The following TAFA5 variants were observed in gnomAD, a reference collection of about 807,000 sequenced individuals.
TAFA5 encodes chemokine-like protein TAFA-5.
In TAFA5, 6 loss-of-function variants were observed where a neutral mutation model predicts 15.3. That is an observed-to-expected ratio of 0.39 (90% CI 0.21 to 0.77). TAFA5 has a LOEUF of 0.77. TAFA5 is among the 30% of genes least tolerant of loss of function. TAFA5 has a pLI of 0.41. For missense variants in TAFA5, 161 were observed against 193.1 expected (o/e 0.83, Z 0.98); for synonymous variants, 103 against 80.7 (o/e 1.28, Z -1.48).
At chr22:48,510,090 A>G (rs1446063711) in intron 1 of TAFA5, among the ~76,000 whole-genome samples, 1 of 152,254 alleles carries the variant, frequency 6.6e-6, no homozygotes, top group African/African-American at 2.4e-5. Flanking sequence ...TGAAACTGCT[A>G]GAAGAAAACG....
chr22:48,641,154 G>T (rs1298840056), intron 1 of TAFA5, among the ~76,000 whole-genome samples: 2 of 151,814 alleles, frequency 1.3e-5, no homozygotes, highest in Non-Finnish European at 2.9e-5. Flanking sequence ...AGACCGTGGG[G>T]GCACCGTGGC....
At chr22:48,642,148 G>A in intron 1 of TAFA5, among the ~76,000 whole-genome samples, 1 of 152,130 alleles carries the variant, frequency 6.6e-6, no homozygotes, top group Non-Finnish European at 1.5e-5. Context: ...GAAGGGGCCT[G>A]TGCTTTGCTG....
intron 1 of TAFA5, among the ~76,000 whole-genome samples, chr22:48,617,658 G>A (rs1224611213): frequency 4.6e-5 from 7 of 152,228 alleles, no homozygotes; most frequent in African/African-American, 7.2e-5. Context: ...GTCTGTCTCC[G>A]CGTCTATCTC....
intron 3 of TAFA5, among the ~76,000 whole-genome samples, chr22:48,735,151 C>G (rs775901165): frequency 2.0e-5 from 3 of 152,172 alleles, no homozygotes; most frequent in Non-Finnish European, 4.4e-5. Context: ...AACGGAGGCA[C>G]GGAGGTGCTA....
At chr22:48,596,682 A>G (rs1427256673) in intron 1 of TAFA5, among the ~76,000 whole-genome samples, 1 of 151,172 alleles carries the variant, frequency 6.6e-6, no homozygotes, top group Admixed American at 6.6e-5. Flanking sequence ...ACCAGCGCTC[A>G]CTCTTGGCAT....
chr22:48,715,880 G>A (rs1368944970), intron 3 of TAFA5, among the ~76,000 whole-genome samples: 2 of 152,258 alleles, frequency 1.3e-5, no homozygotes, highest in African/African-American at 4.8e-5. Flanking sequence ...GAAGCCTGGA[G>A]ATTTTACATT....
At chr22:48,687,779 G>GA (rs1928409892) in intron 2 of TAFA5, among the ~76,000 whole-genome samples, 1 of 152,130 alleles carries the variant, frequency 6.6e-6, no homozygotes, top group Non-Finnish European at 1.5e-5. Flanking sequence ...TCTGAGGGGG[G>GA]AACATGTAGC....
intron 3 of TAFA5, among the ~76,000 whole-genome samples, chr22:48,717,969 G>A (rs890641249): frequency 2.0e-5 from 3 of 152,230 alleles, no homozygotes; most frequent in African/African-American, 4.8e-5. Context: ...TCTGTCCTGC[G>A]TGTGGTGGGG....
intron 1 of TAFA5, among the ~76,000 whole-genome samples, chr22:48,525,171 G>A (rs1269202972): frequency 2.6e-5 from 4 of 152,130 alleles, no homozygotes; most frequent in African/African-American, 9.7e-5. Flanking sequence ...ATCTAAAAAC[G>A]TCCCTTTGCC....
At chr22:48,565,957 C>G (rs145021874) in intron 1 of TAFA5, among the ~76,000 whole-genome samples, 7 of 151,822 alleles carry the variant, frequency 4.6e-5, no homozygotes, top group Non-Finnish European at 8.8e-5. Context: ...AATAGATGTG[C>G]AGCTGGGTGG....
At chr22:48,686,192 G>A (rs956811615) in intron 2 of TAFA5, among the ~76,000 whole-genome samples, 3 of 152,182 alleles carry the variant, frequency 2.0e-5, no homozygotes, top group African/African-American at 7.2e-5. Flanking sequence ...GGCCGCCAGG[G>A]GTCTCTGCCC....
intron 3 of TAFA5, among the ~76,000 whole-genome samples, chr22:48,740,187 A>G (rs1930139747): frequency 6.6e-6 from 1 of 152,142 alleles, no homozygotes; most frequent in African/African-American, 2.4e-5. Flanking sequence ...AGGACCCAAC[A>G]GTGACTTTGC....
At position 48,654,947 on chromosome 22, in the gene TAFA5, G is replaced by A. The variant is rs1007543546; in HGVS notation, c.262+8201G>A. 2.6e-5 allele frequency among the ~76,000 whole-genome samples: 4 copies of A among 152,320 alleles called. No homozygotes were observed. In the East Asian group the frequency reaches 7.7e-4, roughly 29 times the overall value. Reference sequence around the variant, plus strand: ...GAGGGGCCGTGGTGGGGCAGCCTAGGCCTATGGGGTCTGCGGGCCCAGAGC... The same window carrying A: ...GAGGGGCCGTGGTGGGGCAGCCTAGACCTATGGGGTCTGCGGGCCCAGAGC... On this transcript the variant is annotated intron_variant, in intron 2 of 3. Coordinates refer to ENST00000402357, the MANE Select transcript of TAFA5 (RefSeq NM_001082967.3).
At chr22:48,642,758 G>A (rs1926728748) in intron 1 of TAFA5, among the ~76,000 whole-genome samples, 1 of 152,154 alleles carries the variant, frequency 6.6e-6, no homozygotes. Flanking sequence ...CACGTGTTTG[G>A]TCAGTGTGTG....
At chr22:48,641,961 C>A (rs552811445) in intron 1 of TAFA5, among the ~76,000 whole-genome samples, 136 of 152,332 alleles carry the variant, frequency 8.9e-4, no homozygotes, top group African/African-American at 3.1e-3. Context: ...TCCCCTATCT[C>A]CAAGAAAAGG....
intron 2 of TAFA5, among the ~76,000 whole-genome samples, chr22:48,655,409 G>A (rs988892306): frequency 6.6e-6 from 1 of 152,198 alleles, no homozygotes; most frequent in Non-Finnish European, 1.5e-5. Flanking sequence ...TGTTCTGGGG[G>A]CTGGGAAGTC....
intron 1 of TAFA5, among the ~76,000 whole-genome samples, chr22:48,573,617 A>G (rs1191596213): frequency 6.6e-6 from 1 of 152,218 alleles, no homozygotes; most frequent in Admixed American, 6.5e-5. Flanking sequence ...TACTAACAGG[A>G]AGCCTTGGTG....
chr22:48,674,675 A>G (rs1027327116), intron 2 of TAFA5, among the ~76,000 whole-genome samples: 4 of 143,414 alleles, frequency 2.8e-5, no homozygotes, highest in African/African-American at 9.8e-5. Flanking sequence ...TGGGAGGTCC[A>G]CACCCCCCAC....
At chr22:48,520,889 A>AG (rs1302353234) in intron 1 of TAFA5, among the ~76,000 whole-genome samples, 4 of 151,270 alleles carry the variant, frequency 2.6e-5, no homozygotes, top group South Asian at 4.2e-4. Context: ...GGCCAGGGCC[A>AG]GGGGGGGTCG....
Sources: gnomAD v4.1 joint callset for allele counts (sites outside exome capture counted in the v4.1 genomes callset) on GRCh38, gnomAD v4.1.1 for gene constraint, MANE v1.5 for transcripts, NCBI Gene and HGNC (gene_info 2026-07-23, HGNC 2026-07-21) for gene names.